The following RORA variants were observed in gnomAD, a reference collection of about 807,000 sequenced individuals.
RORA encodes the protein RAR related orphan receptor A, also known as nuclear receptor ROR-alpha.
RORA carries 7 observed loss-of-function variants against 69.5 expected under a neutral mutation model. The ratio of observed to expected loss-of-function variants is 0.10; its 90% confidence interval spans 0.06 to 0.19. RORA has a LOEUF of 0.19. Ranked by LOEUF, RORA falls within the 10% of genes least tolerant of loss-of-function variation. The pLI, the probability that RORA is intolerant of heterozygous loss-of-function variation, is 1.00. For synonymous variants in RORA, 261 were observed against 240.8 expected (o/e 1.08, Z -0.78); for missense variants, 457 against 663.0 (o/e 0.69, Z 3.41).
chr15:60,564,271 T>A (rs925208615), intron 2 of RORA, among the ~76,000 whole-genome samples: 1 of 152,228 alleles, frequency 6.6e-6, no homozygotes, highest in African/African-American at 2.4e-5. Context: ...CCCAGAGTTG[T>A]TGAAAGTTAA....
intron 2 of RORA, among the ~76,000 whole-genome samples, chr15:60,552,994 T>G (rs1352195563): frequency 1.3e-5 from 2 of 152,176 alleles, no homozygotes; most frequent in Non-Finnish European, 2.9e-5. Context: ...GCAAGTTATT[T>G]AACCTCTCCA....
chr15:60,510,246 C>G (rs957274995), intron 5 of RORA, among the ~76,000 whole-genome samples: 1 of 152,176 alleles, frequency 6.6e-6, no homozygotes, highest in Non-Finnish European at 1.5e-5. Flanking sequence ...TGTGAGGAAC[C>G]ACCAGGAGGA....
At chr15:61,163,338 G>C (rs1425138838) in intron 1 of RORA, among the ~76,000 whole-genome samples, 1 of 152,104 alleles carries the variant, frequency 6.6e-6, no homozygotes, top group Admixed American at 6.5e-5. Flanking sequence ...GAACACTAGC[G>C]ATCAGCGTCA....
At chr15:61,018,832 G>A (rs181813183) in intron 1 of RORA, among the ~76,000 whole-genome samples, 293 of 152,240 alleles carry the variant, frequency 1.9e-3, no homozygotes, top group Middle Eastern at 6.8e-3. Context: ...TGGTAAGGAT[G>A]TATATGTCTA....
intron 1 of RORA, chr15:60,706,422 T>C (rs2071064012): frequency 6.6e-6 from 1 of 152,090 alleles, no homozygotes; most frequent in Admixed American, 6.6e-5. Flanking sequence ...AGTGGGTCTG[T>C]ATGGGGTATT....
chr15:61,053,414 C>T (rs1353720570), intron 1 of RORA, among the ~76,000 whole-genome samples: 2 of 152,052 alleles, frequency 1.3e-5, no homozygotes, highest in Non-Finnish European at 2.9e-5. Flanking sequence ...TGTAATTAGG[C>T]CTCACACAGG....
intron 1 of RORA, among the ~76,000 whole-genome samples, chr15:61,066,131 C>T (rs553569695): frequency 5.9e-5 from 9 of 152,316 alleles, no homozygotes; most frequent in African/African-American, 2.2e-4. Context: ...TGGCACTCAT[C>T]TACATTCCAC....
At position 60,904,814 on chromosome 15, in the gene RORA, C is replaced by T. The variant is rs1891487717; in HGVS notation, c.167-226128G>A. Among the ~76,000 whole-genome samples the T allele has an allele frequency of 2.0e-5, 3 of 152,148 alleles. 1 individual carries two copies. Among genetic ancestry groups the T allele is most frequent in the South Asian group, 4.1e-4 (2 of 4,824 alleles). ...AGAAGGCTGGTGGCTGGGGCCTTCT[C>T]ATAACCATGAGAAGAAACAATAAAG... On this transcript the variant is annotated intron_variant, in intron 1 of 10. Coordinates refer to ENST00000335670, the MANE Select transcript of RORA (RefSeq NM_134261.3).
intron 1 of RORA, among the ~76,000 whole-genome samples, chr15:60,703,598 C>G (rs2071016972): frequency 6.6e-6 from 1 of 152,144 alleles, no homozygotes; most frequent in South Asian, 2.1e-4. Context: ...GCCGGTTTTA[C>G]TACTAGAGCT....
At chr15:60,639,647 T>C (rs1337009705) in intron 2 of RORA, among the ~76,000 whole-genome samples, 1 of 152,154 alleles carries the variant, frequency 6.6e-6, no homozygotes, top group Non-Finnish European at 1.5e-5. Flanking sequence ...TTCTGCTAAA[T>C]ATAGAAAAGT....
chr15:60,698,634 T>G (rs572781143), intron 1 of RORA, among the ~76,000 whole-genome samples: 1 of 150,180 alleles, frequency 6.7e-6, no homozygotes, highest in African/African-American at 2.4e-5. Flanking sequence ...ATTTGTGTTT[T>G]TTTTTTTTTT....
chr15:60,906,400 T>C (rs953364065), intron 1 of RORA, among the ~76,000 whole-genome samples: 2 of 152,218 alleles, frequency 1.3e-5, no homozygotes, highest in African/African-American at 4.8e-5. Flanking sequence ...AACTACCACA[T>C]GTACCATTAA....
In RORA at chr15:60,557,546, G is replaced by T. The variant is rs925041336; in HGVS notation, c.197-25695C>A. ...CCATAATGAACTGTTATAAACTCTG[G>T]GATGGAGGCATTATAAACATAGGAA... is the stretch of plus-strand genomic sequence containing the variant. On this transcript the variant is annotated intron_variant, in intron 2 of 10. Transcript: ENST00000335670. 3.9e-5 allele frequency among the ~76,000 whole-genome samples: 6 copies of T among 152,314 alleles called. No homozygotes were observed. The East Asian group carries it at 1.2e-3, about 29-fold the overall frequency.
chr15:60,560,600 G>T (rs1288197773), intron 2 of RORA, among the ~76,000 whole-genome samples: 1 of 152,250 alleles, frequency 6.6e-6, no homozygotes, highest in African/African-American at 2.4e-5. Context: ...TGGTCGGGGA[G>T]AGGGGCCTGA....
At chr15:60,744,428 T>C (rs1359465287) in intron 1 of RORA, among the ~76,000 whole-genome samples, 1 of 152,086 alleles carries the variant, frequency 6.6e-6, no homozygotes, top group Non-Finnish European at 1.5e-5. Context: ...GCTGATTCGG[T>C]TATATCCAGG....
chr15:60,835,544 G>A (rs1224410209), intron 1 of RORA, among the ~76,000 whole-genome samples: 3 of 152,138 alleles, frequency 2.0e-5, no homozygotes, highest in African/African-American at 7.2e-5. Flanking sequence ...CAGTGAAAAC[G>A]ACCTGTGCCC....
At chr15:60,538,157 T>C (rs534031994) in intron 2 of RORA, among the ~76,000 whole-genome samples, 26 of 152,270 alleles carry the variant, frequency 1.7e-4, no homozygotes, top group African/African-American at 6.0e-4. Flanking sequence ...TTCAAGATTA[T>C]TTGATGTGTT....
At chr15:60,727,546 T>C (rs762083807) in intron 1 of RORA, among the ~76,000 whole-genome samples, 3 of 152,134 alleles carry the variant, frequency 2.0e-5, no homozygotes, top group Non-Finnish European at 4.4e-5. Context: ...CTAGAACATT[T>C]TAAGCACAGA....
At chr15:61,001,654 G>A (rs1894749920) in intron 1 of RORA, among the ~76,000 whole-genome samples, 1 of 152,192 alleles carries the variant, frequency 6.6e-6, no homozygotes, top group Admixed American at 6.5e-5. Context: ...GATACAGTAG[G>A]GGAAGCCAAC....
Sources: allele counts gnomAD v4.1 joint callset (sites outside exome capture counted in the v4.1 genomes callset), GRCh38; gene constraint gnomAD v4.1.1; transcripts MANE v1.5; gene names NCBI Gene and HGNC (gene_info 2026-07-23, HGNC 2026-07-21).